LRBA: variants seen among roughly 807,000 people sequenced by gnomAD.
The protein encoded by LRBA is LPS responsive beige-like anchor protein, also known as lipopolysaccharide-responsive and beige-like anchor protein.
A neutral mutation model predicts 330.0 loss-of-function variants in LRBA; 176 were observed. The ratio of observed to expected loss-of-function variants is 0.53; its 90% confidence interval spans 0.47 to 0.60. LRBA has a LOEUF of 0.60. Among genes scored for constraint, LRBA ranks in the 20% least tolerant of loss-of-function variants. LRBA has a pLI of 0.00. For synonymous variants in LRBA, 1,230 were observed against 1,193.0 expected (o/e 1.03, Z -0.64); for missense variants, 3,259 against 3,444.8 (o/e 0.95, Z 1.35).
At position 150,806,318 on chromosome 4, in the gene LRBA, CGAGA is replaced by C. The variant is rs764224347; in HGVS notation, c.5467_5470del (p.Ser1823GlyfsTer13). On this transcript the variant is annotated frameshift_variant, in exon 33 of 57. Transcript: ENST00000651943. LOFTEE classifies it high-confidence loss of function. ...TTGTCCATGGCTACCCAAAAGTGTC[CGAGA>C]AAGAAAAGGTGCAAAATCCACAAAA... 6.2e-7 allele frequency: 1 copy of C among 1,607,670 alleles called. No individual in the cohort carries two copies. The highest frequency in any genetic ancestry group is 1.7e-5 in the Admixed American group (1 of 59,302).
chr4:150,595,085 A>G (rs1191218808), intron 38 of LRBA, among the ~76,000 whole-genome samples: 1 of 151,986 alleles, frequency 6.6e-6, no homozygotes, highest in Non-Finnish European at 1.5e-5. Flanking sequence ...ATGGGTATCT[A>G]CTTATGTGAT....
chr4:150,787,546 TAGG>T (rs1479313005), intron 34 of LRBA, among the ~76,000 whole-genome samples: 1 of 152,212 alleles, frequency 6.6e-6, no homozygotes, highest in Non-Finnish European at 1.5e-5. Flanking sequence ...TCTGGGTACA[TAGG>T]AGTATATATT....
At chr4:150,804,211 A>T (rs1742208585) in intron 33 of LRBA, among the ~76,000 whole-genome samples, 1 of 152,210 alleles carries the variant, frequency 6.6e-6, no homozygotes, top group Non-Finnish European at 1.5e-5. Flanking sequence ...AGCTAAATAA[A>T]TTATATCCTT....
At chr4:150,371,275 C>A (rs1240628397) in intron 47 of LRBA, among the ~76,000 whole-genome samples, 1 of 149,382 alleles carries the variant, frequency 6.7e-6, no homozygotes, top group Non-Finnish European at 1.5e-5. Flanking sequence ...TCACTCCAAC[C>A]CCTGTCTCCT....
chr4:150,423,039 A>T, intron 46 of LRBA: 1 of 789,872 alleles, frequency 1.3e-6, no homozygotes, highest in Non-Finnish European at 2.3e-6. Flanking sequence ...CTTGTCCTCA[A>T]TGGAACTTCT....
intron 37 of LRBA, among the ~76,000 whole-genome samples, chr4:150,673,172 A>C (rs2126874488): frequency 6.6e-6 from 1 of 152,310 alleles, no homozygotes; most frequent in East Asian, 1.9e-4. Flanking sequence ...CAGTGTTGAA[A>C]ATCTCTATAT....
chr4:150,930,602 A>T (rs989184031), intron 2 of LRBA, among the ~76,000 whole-genome samples: 1 of 152,246 alleles, frequency 6.6e-6, no homozygotes, highest in African/African-American at 2.4e-5. Flanking sequence ...CTAGGAAATA[A>T]ATTAAAATTC....
intron 33 of LRBA, among the ~76,000 whole-genome samples, chr4:150,802,882 C>T (rs371843248): frequency 6.6e-6 from 1 of 151,558 alleles, no homozygotes; most frequent in African/African-American, 2.4e-5. Flanking sequence ...ATTTAGCCAG[C>T]TTGGTGGCAC....
At chr4:150,738,520 T>C (rs959835654) in intron 35 of LRBA, among the ~76,000 whole-genome samples, 2 of 151,990 alleles carry the variant, frequency 1.3e-5, no homozygotes, top group African/African-American at 4.8e-5. Flanking sequence ...TTGATACAAG[T>C]CAAGGAAAAC....
chr4:150,299,922 GAGGTACA>G (rs1361993186), intron 53 of LRBA, among the ~76,000 whole-genome samples: 1 of 151,980 alleles, frequency 6.6e-6, no homozygotes, highest in Non-Finnish European at 1.5e-5. Context: ...TTGTATCTAA[GAGGTACA>G]ATATAGGAAT....
At chr4:150,292,935 A>G (rs1480359942) in intron 53 of LRBA, among the ~76,000 whole-genome samples, 4 of 152,150 alleles carry the variant, frequency 2.6e-5, no homozygotes, top group Non-Finnish European at 4.4e-5. Context: ...TTTCTTCATT[A>G]GTAAAAATGT....
Position 150,808,327 on chromosome 4 carries a change from T to C in LRBA, c.5377A>G (p.Asn1793Asp), listed in dbSNP as rs777083758. 1.2e-5 allele frequency: 19 copies of C among 1,610,620 alleles called. No homozygotes were observed. Among genetic ancestry groups the C allele is most frequent in the Admixed American group, 1.2e-4 (7 of 59,880 alleles). The change falls in exon 32 of 57, where the codon AAT becomes GAT. Residue 1793 changes from asparagine to aspartate, a missense_variant. Transcript: ENST00000651943. Reference protein sequence around the residue: ...VDSVSQDPVSNMSITERLEHA... With the variant: ...VDSVSQDPVSDMSITERLEHA... ...AGTTAGTAGCTTAAATACCTCATATTTGAAACCGGATCTTGTGAAACTGAA... is the reference window on the plus strand; with the variant it reads ...AGTTAGTAGCTTAAATACCTCATATCTGAAACCGGATCTTGTGAAACTGAA...
In LRBA at chr4:150,321,449, G is replaced by C; in HGVS notation, c.7453-81C>G. 6 of 1,235,672 alleles carry C rather than the reference G, an allele frequency of 4.9e-6. No homozygotes were observed. The highest frequency in any genetic ancestry group is 2.8e-5 in the Admixed American group (1 of 35,148). 76.5% of individuals were successfully genotyped at this position (1,235,672 alleles called of 1,614,324 possible). ...AAAAGATGAAGAAAGACAAGAAAGA[G>C]AGGGGGTGCAGGAAAAGAAGAGGAA... On this transcript the variant is annotated intron_variant, in intron 49 of 56. Coordinates refer to ENST00000651943, the MANE Select transcript of LRBA (RefSeq NM_001364905.1). The surrounding 1 kb of genome is among the most constrained non-coding windows in gnomAD (Gnocchi z 4.5).
chr4:150,964,551 G>A (rs541469912), intron 2 of LRBA, among the ~76,000 whole-genome samples: 5 of 151,240 alleles, frequency 3.3e-5, no homozygotes, highest in Admixed American at 6.6e-5. Context: ...TGAAACATGT[G>A]CTGTGTCCAC....
intron 44 of LRBA, among the ~76,000 whole-genome samples, chr4:150,445,356 T>C (rs1475485974): frequency 4.1e-5 from 3 of 73,758 alleles, no homozygotes; most frequent in African/African-American, 1.6e-4. Flanking sequence ...TCTCTCTCTC[T>C]CTCTCTCTCT....
chr4:150,828,576 TC>T lies in LRBA; in HGVS notation c.4774del (p.Glu1592LysfsTer24). ...AFSTLTTASV[E>X]ESESTSSARR... Reference sequence around the variant, plus strand: ...AGCAGATGATGTGCTTTCAGATTCTTCCACTGATGCCGTAGTTAAAGTGCTG... The same window carrying T: ...AGCAGATGATGTGCTTTCAGATTCTTCACTGATGCCGTAGTTAAAGTGCTG... On this transcript the variant is annotated frameshift_variant, in exon 30 of 57. Transcript: ENST00000651943. LOFTEE classifies it high-confidence loss of function. The T allele has an allele frequency of 6.2e-7, 1 of 1,614,064 alleles. No homozygotes were observed. The highest frequency in any genetic ancestry group is 8.5e-7 in the Non-Finnish European group (1 of 1,179,984).
intron 2 of LRBA, among the ~76,000 whole-genome samples, chr4:150,950,029 T>C (rs898562690): frequency 6.6e-6 from 1 of 152,130 alleles, no homozygotes; most frequent in Non-Finnish European, 1.5e-5. Context: ...AAACAGGAAA[T>C]GAAATTTTCT....
intron 33 of LRBA, among the ~76,000 whole-genome samples, chr4:150,802,346 G>A (rs569502888): frequency 2.7e-5 from 4 of 149,678 alleles, no homozygotes; most frequent in Admixed American, 6.7e-5. Context: ...TCTAGCATTC[G>A]TGGGTTTTTT....
chr4:151,007,134 C>G (rs1354988629), intron 2 of LRBA, among the ~76,000 whole-genome samples: 1 of 152,190 alleles, frequency 6.6e-6, no homozygotes, highest in Admixed American at 6.5e-5. Context: ...CCAGATAAAT[C>G]CTTACATTTA....
Sources: allele counts gnomAD v4.1 joint callset (sites outside exome capture counted in the v4.1 genomes callset), GRCh38; gene constraint gnomAD v4.1.1; non-coding constraint Gnocchi (gnomAD v3.1); transcripts MANE v1.5; gene names NCBI Gene and HGNC (gene_info 2026-07-23, HGNC 2026-07-21).